HCN1: variants seen among roughly 807,000 people sequenced by gnomAD.
The protein encoded by HCN1 is potassium/sodium hyperpolarization-activated cyclic nucleotide-gated channel 1.
HCN1 carries 13 observed loss-of-function variants against 78.9 expected under a neutral mutation model. The ratio of observed to expected loss-of-function variants is 0.16; its 90% confidence interval spans 0.11 to 0.26. HCN1 has a LOEUF of 0.26. HCN1 is among the 10% of genes least tolerant of loss of function. HCN1 has a pLI of 1.00. For missense variants in HCN1, 810 were observed against 1,154.3 expected, an observed-to-expected ratio of 0.70 and a Z score of 4.32; for synonymous variants, 552 against 455.5, an observed-to-expected ratio of 1.21 and a Z score of -2.70.
intron 5 of HCN1, among the ~76,000 whole-genome samples, chr5:45,316,008 C>A (rs528975110): frequency 6.6e-6 from 1 of 152,298 alleles, no homozygotes; most frequent in African/African-American, 2.4e-5. Context: ...TGGTACCATT[C>A]CTTCTGAAAC....
chr5:45,595,325 T>G (rs538012057), intron 2 of HCN1, among the ~76,000 whole-genome samples: 3 of 152,116 alleles, frequency 2.0e-5, no homozygotes, highest in Admixed American at 6.6e-5. Flanking sequence ...AATTAAGAAT[T>G]TGATGCTCAA....
intron 6 of HCN1, among the ~76,000 whole-genome samples, chr5:45,299,716 C>T (rs996382069): frequency 2.0e-5 from 3 of 151,826 alleles, no homozygotes; most frequent in South Asian, 2.1e-4. Flanking sequence ...ATTTGTGAAG[C>T]CTAACAAATA....
intron 2 of HCN1, among the ~76,000 whole-genome samples, chr5:45,483,664 T>C (rs1473749347): frequency 6.6e-6 from 1 of 152,138 alleles, no homozygotes; most frequent in East Asian, 1.9e-4. Flanking sequence ...GCTGCAGTTG[T>C]TTTGGGGGCT....
intron 3 of HCN1, among the ~76,000 whole-genome samples, chr5:45,440,147 C>G (rs1416815720): frequency 6.6e-6 from 1 of 151,554 alleles, no homozygotes; most frequent in Non-Finnish European, 1.5e-5. Flanking sequence ...GTTCAAGCAT[C>G]ACTAAAGGTC....
intron 4 of HCN1, among the ~76,000 whole-genome samples, chr5:45,366,946 TAAG>T (rs1747250692): frequency 6.6e-6 from 1 of 151,756 alleles, no homozygotes; most frequent in South Asian, 2.1e-4. Context: ...ACATAAATAT[TAAG>T]AAGATTTAGT....
chr5:45,446,713 A>G (rs1420873208), intron 3 of HCN1, among the ~76,000 whole-genome samples: 1 of 152,224 alleles, frequency 6.6e-6, no homozygotes, highest in Admixed American at 6.5e-5. Context: ...ACAAGTCAGA[A>G]GAGAGTGGGG....
intron 6 of HCN1, among the ~76,000 whole-genome samples, chr5:45,293,684 C>T (rs1419466044): frequency 2.0e-5 from 3 of 151,836 alleles, no homozygotes; most frequent in African/African-American, 7.2e-5. Flanking sequence ...TCTTAATGTT[C>T]ATCCTAATTT....
At chr5:45,308,865 A>G (rs1418422753) in intron 5 of HCN1, among the ~76,000 whole-genome samples, 1 of 152,116 alleles carries the variant, frequency 6.6e-6, no homozygotes, top group Non-Finnish European at 1.5e-5. Flanking sequence ...TTTTGGTTCC[A>G]TATGAATTTT....
chr5:45,329,096 C>T (rs530158371), intron 5 of HCN1, among the ~76,000 whole-genome samples: 1 of 151,542 alleles, frequency 6.6e-6, no homozygotes, highest in South Asian at 2.1e-4. Context: ...TTTTCTAAGA[C>T]TATTTTCAAA....
intron 6 of HCN1, among the ~76,000 whole-genome samples, chr5:45,288,066 A>G (rs1745302750): frequency 6.6e-6 from 1 of 151,994 alleles, no homozygotes; most frequent in Admixed American, 6.6e-5. Flanking sequence ...TGGCTTTCCC[A>G]AGGTCAAATA....
chr5:45,582,253 T>A (rs567196578), intron 2 of HCN1, among the ~76,000 whole-genome samples: 5 of 152,312 alleles, frequency 3.3e-5, no homozygotes, highest in Non-Finnish European at 7.4e-5. Context: ...ATAAGTTGGA[T>A]TCCTAGGTAT....
rs1745195431 is a variant in HCN1, at chr5:45,627,686, A to G, written c.849+17499T>C. ...ATAATTTCCTTCTTTATAAAATAAA[A>G]TCTAAAATCCCCATTTCAGGGTAGA... On this transcript the variant is annotated intron_variant, in intron 2 of 7. Transcript: ENST00000303230. 2.0e-5 allele frequency among the ~76,000 whole-genome samples: 3 copies of G among 152,338 alleles called. No individual in the cohort carries two copies. In the South Asian group the frequency reaches 6.2e-4, roughly 32 times the overall value.
chr5:45,556,839 T>C (rs1214453606), intron 2 of HCN1, among the ~76,000 whole-genome samples: 1 of 152,130 alleles, frequency 6.6e-6, no homozygotes, highest in Non-Finnish European at 1.5e-5. Flanking sequence ...TAGCGAACAC[T>C]ATTCTCCTAG....
Position 45,406,864 on chromosome 5 carries a change from G to C in HCN1, c.1012-10154C>G, listed in dbSNP as rs113862974. 5.1e-4 allele frequency among the ~76,000 whole-genome samples: 77 copies of C among 152,280 alleles called. No homozygotes were observed. The South Asian group carries it at 6.8e-3, about 14-fold the overall frequency. ...TCCTGGAGAGTGTGAGGTCAGTGAA[G>C]ATAGTTTGACCTTAAAATTGTACTT... is the stretch of plus-strand genomic sequence containing the variant. On this transcript the variant is annotated intron_variant, in intron 3 of 7. Coordinates refer to ENST00000303230, the MANE Select transcript of HCN1 (RefSeq NM_021072.4).
Position 45,681,634 on chromosome 5 carries a change from A to G in HCN1, c.425+14035T>C, listed in dbSNP as rs574828961. ...AAAATATTGACTCAATATTTTATTAATTAAGCCAAGAGGAACATAATGTTA... is the reference window on the plus strand; with the variant it reads ...AAAATATTGACTCAATATTTTATTAGTTAAGCCAAGAGGAACATAATGTTA... On this transcript the variant is annotated intron_variant, in intron 1 of 7. Transcript: ENST00000303230. Among the ~76,000 whole-genome samples, 32 of 152,272 alleles carry G rather than the reference A, an allele frequency of 2.1e-4. No individual in the cohort carries two copies. The South Asian group carries it at 6.4e-3, about 31-fold the overall frequency.
At chr5:45,366,342 A>G (rs1253792419) in intron 4 of HCN1, among the ~76,000 whole-genome samples, 2 of 151,822 alleles carry the variant, frequency 1.3e-5, no homozygotes, top group Non-Finnish European at 2.9e-5. Flanking sequence ...AAGAAATAAT[A>G]TATTCCTAAT....
chr5:45,659,559 A>G (rs1265785471), intron 1 of HCN1, among the ~76,000 whole-genome samples: 78 of 146,230 alleles, frequency 5.3e-4, no homozygotes, highest in Non-Finnish European at 1.0e-3. Context: ...ACTTTGAAAA[A>G]AAATTAGAAG....
chr5:45,287,111 G>T (rs1317467664), intron 6 of HCN1, among the ~76,000 whole-genome samples: 17 of 151,738 alleles, frequency 1.1e-4, no homozygotes, highest in Admixed American at 1.1e-3. Flanking sequence ...GTGTGTGTGT[G>T]TGTATGTGAT....
intron 4 of HCN1, 72 bp downstream of exon 4, chr5:45,396,420 T>C (rs928934394): frequency 1.7e-6 from 2 of 1,161,384 alleles, no homozygotes; most frequent in Non-Finnish European, 2.5e-6. Context: ...GGTGTAGTTA[T>C]CTTGAACACA....
Sources: allele counts gnomAD v4.1 joint callset (sites outside exome capture counted in the v4.1 genomes callset), GRCh38; gene constraint gnomAD v4.1.1; transcripts MANE v1.5; gene names NCBI Gene and HGNC (gene_info 2026-07-23, HGNC 2026-07-21).